Variants in MRPS27 observed in about 807,000 individuals in gnomAD.
The protein encoded by MRPS27 is small ribosomal subunit protein mS27.
A neutral mutation model predicts 48.9 loss-of-function variants in MRPS27; 43 were observed. That is an observed-to-expected ratio of 0.88 (90% CI 0.69 to 1.13). The LOEUF (loss-of-function observed/expected upper bound fraction) is 1.13. Ranked by LOEUF, MRPS27 falls within the 50% of genes most tolerant of loss-of-function variation. The probability of loss-of-function intolerance (pLI) is 0.00; values close to 1 mark genes in which losing one functional copy is unlikely to be tolerated. For synonymous variants in MRPS27, 188 were observed against 171.9 expected (o/e 1.09, Z -0.73); for missense variants, 467 against 476.3 (o/e 0.98, Z 0.18).
intron 2 of MRPS27, among the ~76,000 whole-genome samples, chr5:72,298,688 G>A (rs1448091963): frequency 6.9e-6 from 1 of 145,326 alleles, no homozygotes; most frequent in Non-Finnish European, 1.5e-5. Context: ...AGTCCGGCCT[G>A]GGAGACAGAG....
At chr5:72,256,279 G>C (rs773048230) in intron 4 of MRPS27, among the ~76,000 whole-genome samples, 17 of 152,092 alleles carry the variant, frequency 1.1e-4, no homozygotes, top group South Asian at 4.1e-4. Context: ...TATCAAATGG[G>C]ATAGCATGCA....
chr5:72,300,107 T>C (rs145801959), intron 2 of MRPS27, among the ~76,000 whole-genome samples: 1 of 152,362 alleles, frequency 6.6e-6, no homozygotes, highest in Non-Finnish European at 1.5e-5. Flanking sequence ...GCTCCCAGTC[T>C]TCAACACATT....
At chr5:72,297,055 G>C (rs572095688) in intron 3 of MRPS27, among the ~76,000 whole-genome samples, 2 of 152,176 alleles carry the variant, frequency 1.3e-5, no homozygotes, top group African/African-American at 4.8e-5. Flanking sequence ...GTGAACTTGG[G>C]AAAGTTATTA....
intron 4 of MRPS27, among the ~76,000 whole-genome samples, chr5:72,250,457 G>A (rs2111982069): frequency 6.6e-6 from 1 of 152,276 alleles, no homozygotes; most frequent in East Asian, 1.9e-4. Flanking sequence ...AGGGAAAGAA[G>A]TGACAAAATT....
At chr5:72,225,811 G>T (rs1420947947) in intron 9 of MRPS27, among the ~76,000 whole-genome samples, 1 of 150,566 alleles carries the variant, frequency 6.6e-6, no homozygotes, top group African/African-American at 2.5e-5. Context: ...GGTGAGGGAC[G>T]AGGCAGTGGA....
chr5:72,249,294 A>G (rs911674027), intron 4 of MRPS27, among the ~76,000 whole-genome samples: 7 of 152,216 alleles, frequency 4.6e-5, no homozygotes, highest in Non-Finnish European at 8.8e-5. Context: ...TCATTTATCA[A>G]CCTACTATGA....
At chr5:72,228,231 T>A (rs755154227) in intron 8 of MRPS27, 35 bp downstream of exon 8, 1 of 1,469,586 alleles carries the variant, frequency 6.8e-7, no homozygotes, top group South Asian at 1.2e-5. Flanking sequence ...ATTCTAACCA[T>A]GAAGAACAGT....
At chr5:72,243,881 T>C (rs768657380) in intron 4 of MRPS27, among the ~76,000 whole-genome samples, 1 of 152,216 alleles carries the variant, frequency 6.6e-6, no homozygotes, top group Admixed American at 6.5e-5. Context: ...ATGCATCCAG[T>C]TGCATAATCA....
chr5:72,285,035 A>G (rs1488397408), intron 4 of MRPS27, among the ~76,000 whole-genome samples: 1 of 152,232 alleles, frequency 6.6e-6, no homozygotes, highest in African/African-American at 2.4e-5. Context: ...AGATGCTGCC[A>G]AAGTTCTATC....
intron 1 of MRPS27, among the ~76,000 whole-genome samples, chr5:72,315,858 A>C (rs1750552134): frequency 6.6e-6 from 1 of 152,240 alleles, no homozygotes; most frequent in African/African-American, 2.4e-5. Flanking sequence ...TCTATCACCC[A>C]GCAATTCCAC....
At chr5:72,289,908 G>T (rs972090508) in intron 4 of MRPS27, among the ~76,000 whole-genome samples, 4 of 152,220 alleles carry the variant, frequency 2.6e-5, no homozygotes, top group Non-Finnish European at 4.4e-5. Flanking sequence ...TGATTCGAAG[G>T]CCTATGTAAG....
At chr5:72,286,816 C>T (rs1749683759) in intron 4 of MRPS27, among the ~76,000 whole-genome samples, 1 of 152,204 alleles carries the variant, frequency 6.6e-6, no homozygotes, top group African/African-American at 2.4e-5. Flanking sequence ...CTTTTCACCT[C>T]AACAAGCACT....
At chr5:72,302,265 C>T (rs1264719768) in intron 2 of MRPS27, among the ~76,000 whole-genome samples, 1 of 152,150 alleles carries the variant, frequency 6.6e-6, no homozygotes, top group East Asian at 1.9e-4. Flanking sequence ...AGTGCAATGG[C>T]CCACAAGCCT....
At chr5:72,304,716 T>C (rs565286753) in intron 2 of MRPS27, among the ~76,000 whole-genome samples, 4 of 151,924 alleles carry the variant, frequency 2.6e-5, no homozygotes, top group African/African-American at 9.7e-5. Context: ...TAAAAAAGAG[T>C]GTGGTCTCTG....
intron 4 of MRPS27, among the ~76,000 whole-genome samples, chr5:72,257,176 A>C (rs528189495): frequency 6.6e-6 from 1 of 152,294 alleles, no homozygotes; most frequent in South Asian, 2.1e-4. Context: ...ATAACTGTAC[A>C]CATGCCAGTC....
chr5:72,287,936 T>C (rs1260998481), intron 4 of MRPS27, among the ~76,000 whole-genome samples: 2 of 152,208 alleles, frequency 1.3e-5, no homozygotes, highest in African/African-American at 4.8e-5. Flanking sequence ...AAAGCACGCA[T>C]CTATACAAAG....
chr5:72,297,808 T>C (rs1750019879), intron 2 of MRPS27, 106 bp from the exon 3 acceptor site: 1 of 493,768 alleles, frequency 2.0e-6, no homozygotes, highest in African/African-American at 2.0e-5. Flanking sequence ...CGTTCTTTCT[T>C]GCTTTTTAGA....
chr5:72,265,730 ATC>A (rs1749091973), intron 4 of MRPS27, among the ~76,000 whole-genome samples: 1 of 152,212 alleles, frequency 6.6e-6, no homozygotes, highest in African/African-American at 2.4e-5. Context: ...TGATGTTCAC[ATC>A]TCTGTTTTAC....
At chr5:72,222,180 A>AGAAAAGGAAATGT (rs1384402427) in intron 10 of MRPS27, among the ~76,000 whole-genome samples, 1 of 152,222 alleles carries the variant, frequency 6.6e-6, no homozygotes, top group East Asian at 1.9e-4. Context: ...GGCAACAGGA[A>AGAAAAGGAAATGT]GAAAAGGAAA....
Sources: allele counts gnomAD v4.1 joint callset (sites outside exome capture counted in the v4.1 genomes callset), GRCh38; gene constraint gnomAD v4.1.1; transcripts MANE v1.5; gene names NCBI Gene and HGNC (gene_info 2026-07-23, HGNC 2026-07-21).